Variants in RBBP8 observed in about 807,000 individuals in gnomAD.
The protein encoded by RBBP8 is DNA endonuclease RBBP8.
A neutral mutation model predicts 108.3 loss-of-function variants in RBBP8; 88 were observed. That is an observed-to-expected ratio of 0.81 (90% CI 0.68 to 0.97). The LOEUF is 0.97. RBBP8 is among the 50% of genes least tolerant of loss of function. The pLI is 0.00. For missense variants in RBBP8, 1,023 were observed against 1,049.0 expected (o/e 0.98, Z 0.34); for synonymous variants, 332 against 348.2 (o/e 0.95, Z 0.52).
At chr18:22,922,137 G>A (rs1025724657) in intron 3 of RBBP8, among the ~76,000 whole-genome samples, 6 of 152,004 alleles carry the variant, frequency 3.9e-5, no homozygotes, top group South Asian at 2.1e-4. Context: ...TTTTAAAACC[G>A]AACAGATAAA....
At chr18:22,942,150 T>G (rs868545636) in intron 2 of RBBP8, among the ~76,000 whole-genome samples, 48 of 152,196 alleles carry the variant, frequency 3.2e-4, no homozygotes, top group Middle Eastern at 3.4e-3. Context: ...GTCTGGACTT[T>G]GCAGGTTTTA....
intron 3 of RBBP8, chr18:22,917,050 A>G (rs530839884): frequency 1.3e-5 from 2 of 152,300 alleles, no homozygotes; most frequent in African/African-American, 2.4e-5. Context: ...ACAAGTGCTC[A>G]AAAAAGTTTT....
intron 17 of RBBP8, among the ~76,000 whole-genome samples, chr18:23,020,088 A>G (rs2046324039): frequency 6.6e-6 from 1 of 150,700 alleles, no homozygotes; most frequent in African/African-American, 2.4e-5. Context: ...AATAGCTTCT[A>G]AGTGCTCTCC....
At position 22,975,169 on chromosome 18, in the gene RBBP8, T is replaced by C; in HGVS notation, c.378T>C (p.Thr126=). Residue 126 remains threonine (T), a synonymous_variant, in exon 6 of 19, where the codon ACT becomes ACC. Transcript: ENST00000327155. ...LITELMNERN[T]LQEENKKLSE... is the part of the protein sequence containing the mutation. ...GTTTTTAAGTGAATGAAAGGAATAC[T>C]CTACAGGAAGAAAATAAAAAGCTTT... 6.2e-7 allele frequency: 1 copy of C among 1,612,398 alleles called. No individual in the cohort carries two copies. Among genetic ancestry groups the C allele is most frequent in the Non-Finnish European group, 8.5e-7 (1 of 1,179,146 alleles).
intron 2 of RBBP8, among the ~76,000 whole-genome samples, chr18:22,945,470 C>T (rs577371925): frequency 4.6e-5 from 7 of 152,212 alleles, no homozygotes; most frequent in African/African-American, 1.4e-4. Context: ...TCACCGCAGC[C>T]TCTGCCTCCC....
exon 1 of RBBP8, chr18:22,914,273 A>C (rs910296090): frequency 6.6e-6 from 1 of 152,202 alleles, no homozygotes; most frequent in Admixed American, 6.5e-5. Context: ...TCTGCTTTTC[A>C]CCAAGAGCAG....
intron 15 of RBBP8, among the ~76,000 whole-genome samples, chr18:23,006,032 A>G (rs2046038368): frequency 6.6e-6 from 1 of 151,962 alleles, no homozygotes; most frequent in African/African-American, 2.4e-5. Context: ...TAAAAATACA[A>G]AAGATTAGCC....
At chr18:22,924,853 T>C (rs1343939529) in intron 3 of RBBP8, among the ~76,000 whole-genome samples, 1 of 152,012 alleles carries the variant, frequency 6.6e-6, no homozygotes, top group African/African-American at 2.4e-5. Flanking sequence ...TATGATCACC[T>C]CACATAAGAG....
At chr18:23,023,925 T>A (rs2046413176) in intron 18 of RBBP8, among the ~76,000 whole-genome samples, 1 of 124,714 alleles carries the variant, frequency 8.0e-6, no homozygotes, top group Non-Finnish European at 1.6e-5. Context: ...CAGGCTGGAG[T>A]GCAAATGGCA....
intron 3 of RBBP8, chr18:22,920,642 G>A (rs991598190): frequency 3.9e-5 from 6 of 151,904 alleles, no homozygotes; most frequent in East Asian, 1.9e-4. Flanking sequence ...AATGACTCTC[G>A]AAACATTAAG....
intron 16 of RBBP8, among the ~76,000 whole-genome samples, chr18:23,009,009 G>A (rs555415594): frequency 2.0e-5 from 3 of 152,064 alleles, no homozygotes; most frequent in African/African-American, 7.2e-5. Flanking sequence ...TCCTGACCTC[G>A]TGATCCACCC....
At chr18:23,003,427 C>T (rs949980044) in intron 15 of RBBP8, among the ~76,000 whole-genome samples, 7 of 152,182 alleles carry the variant, frequency 4.6e-5, no homozygotes, top group African/African-American at 1.7e-4. Context: ...TCTCACATAA[C>T]CCTTAGCTGT....
chr18:22,986,316 G>A (rs900607316), intron 8 of RBBP8, among the ~76,000 whole-genome samples: 1 of 152,152 alleles, frequency 6.6e-6, no homozygotes, highest in Non-Finnish European at 1.5e-5. Context: ...GTAAGATGAA[G>A]ACTTCTTAGA....
intron 12 of RBBP8, among the ~76,000 whole-genome samples, chr18:22,995,484 A>G (rs969770909): frequency 1.1e-4 from 17 of 152,230 alleles, no homozygotes; most frequent in African/African-American, 3.4e-4. Flanking sequence ...AAAATGTTCA[A>G]TTCAGTGGTT....
intron 18 of RBBP8, among the ~76,000 whole-genome samples, chr18:23,024,239 CT>C (rs1228203196): frequency 6.6e-6 from 1 of 151,834 alleles, no homozygotes; most frequent in African/African-American, 2.4e-5. Context: ...TATTCTTAGA[CT>C]TTTTTTGTAT....
At chr18:22,964,501 A>C (rs1477750409) in intron 4 of RBBP8, among the ~76,000 whole-genome samples, 1 of 149,838 alleles carries the variant, frequency 6.7e-6, no homozygotes, top group Non-Finnish European at 1.5e-5. Context: ...CCTATTCTTT[A>C]TATGATAGAC....
At chr18:22,999,488 G>C (rs1003878539) in intron 14 of RBBP8, among the ~76,000 whole-genome samples, 1 of 152,190 alleles carries the variant, frequency 6.6e-6, no homozygotes. Context: ...AGCAGAAGCA[G>C]GTGACATTTT....
In RBBP8 at chr18:22,993,376, A is replaced by T. The variant is rs770445103; in HGVS notation, c.1549A>T (p.Arg517Trp). 1 of 1,614,248 alleles carries T rather than the reference A, an allele frequency of 6.2e-7. No individual in the cohort carries two copies. The highest frequency in any genetic ancestry group is 8.5e-7 in the Non-Finnish European group (1 of 1,180,042). The change falls in exon 11 of 19, where the codon AGG (arginine) becomes TGG (tryptophan). Residue 517 changes from arginine to tryptophan, a missense_variant. Transcript: ENST00000327155. ...AAGTGAGACTTCTAAAAACAAATTT[A>T]GGCAAGTGACTCTTTATGAGGCTTT... is the stretch of plus-strand genomic sequence containing the variant. The part of the protein sequence containing the change: ...QGSETSKNKF[R>W]QVTLYEALKT...
At chr18:22,942,407 A>G (rs1911172847) in intron 2 of RBBP8, among the ~76,000 whole-genome samples, 1 of 152,118 alleles carries the variant, frequency 6.6e-6, no homozygotes, top group African/African-American at 2.4e-5. Context: ...TGATCACAAC[A>G]ATATAATAAA....
Sources: gnomAD v4.1 joint callset for allele counts (sites outside exome capture counted in the v4.1 genomes callset) on GRCh38, gnomAD v4.1.1 for gene constraint, MANE v1.5 for transcripts, NCBI Gene and HGNC (gene_info 2026-07-23, HGNC 2026-07-21) for gene names.